The following MT1G variants were observed in gnomAD, a reference collection of about 807,000 sequenced individuals.
MT1G encodes the protein metallothionein 1G.
MT1G carries 8 observed loss-of-function variants against 9.1 expected under a neutral mutation model. That is an observed-to-expected ratio of 0.87 (90% CI 0.51 to 1.58). The LOEUF (loss-of-function observed/expected upper bound fraction) is 1.58. Among genes scored for constraint, MT1G ranks in the 40% most tolerant of loss-of-function variants. The pLI is 0.00. For synonymous variants in MT1G, 31 were observed against 28.4 expected, an observed-to-expected ratio of 1.09 and a Z score of -0.29; for missense variants, 79 against 77.3, an observed-to-expected ratio of 1.02 and a Z score of -0.08.
rs57501740 is a variant in MT1G, at chr16:56,667,439, A to T, written c.29-59T>A. 12,855 of 1,608,044 alleles carry T rather than the reference A, an allele frequency of 8.0e-3. 124 individuals carry two copies. The highest frequency in any genetic ancestry group is 0.034 in the African/African-American group (2,525 of 74,894). On this transcript the variant is annotated intron_variant, in intron 1 of 2. Transcript: ENST00000379811. ...GATGCAGAAGGTACAGCAGTGGGTC[A>T]ATGAGTGTCCACTTCCCCCTTCTCT...
In MT1G at chr16:56,666,999, G is replaced by C. The variant is rs569987419; in HGVS notation, c.98-29C>G. ...GGGAGGAAAGGAGATTGAGAGGTCA[G>C]AGCAGACTCGATCAGAGAACTCCCT... On this transcript the variant is annotated intron_variant, in intron 2 of 2. Transcript: ENST00000379811. 171 of 1,612,572 alleles carry C rather than the reference G, an allele frequency of 1.1e-4. 2 individuals carry two copies. In the South Asian group the frequency reaches 1.8e-3, roughly 17 times the overall value.
Position 56,667,328 on chromosome 16 carries a change from G to T in MT1G, c.81C>A (p.Cys27Ter). Residue 27 changes from cysteine to a stop codon, truncating the protein, a stop_gained, in exon 2 of 3, where the codon TGC becomes TGA. Transcript: ENST00000379811. LOFTEE classifies it high-confidence loss of function. ...ASSCKCKECK[C>*]TSCKKSCCSC... is the part of the protein sequence containing the mutation. ...CGCACTCACTCTTCTTGCAGGAGGT[G>T]CATTTGCACTCTTTGCACTTGCAGG... 1.2e-6 allele frequency: 2 copies of T among 1,614,264 alleles called. No individual in the cohort carries two copies. Among genetic ancestry groups the T allele is most frequent in the South Asian group, 1.1e-5 (1 of 91,086 alleles).
In MT1G at chr16:56,666,838, G is replaced by A. The variant is rs747710513; in HGVS notation, c.*41C>T. 14 of 1,598,634 alleles carry A rather than the reference G, an allele frequency of 8.8e-6. No homozygotes were observed. The highest frequency in any genetic ancestry group is 6.7e-5 in the African/African-American group (5 of 74,138). ...AAAAACAAAAAATCCTGGATTTTAC[G>A]GGTCACTCTATTTGTACTTGGGAGC... On this transcript the variant is annotated 3_prime_UTR_variant, in exon 3 of 3. Transcript: ENST00000379811.
chr16:56,666,971 C>T lies in MT1G; in HGVS notation c.98-1G>A. 6.2e-7 allele frequency: 1 copy of T among 1,613,950 alleles called. No homozygotes were observed. Among genetic ancestry groups the T allele is most frequent in the Non-Finnish European group, 8.5e-7 (1 of 1,179,982 alleles). Reference sequence around the variant, plus strand: ...CCCACAGGGCAGCAGGAGCAGCAGCCTGGGGAGGAAAGGAGATTGAGAGGT... The same window carrying T: ...CCCACAGGGCAGCAGGAGCAGCAGCTTGGGGAGGAAAGGAGATTGAGAGGT... On this transcript the variant is annotated splice_acceptor_variant, in intron 2 of 2. Transcript: ENST00000379811. LOFTEE classifies it high-confidence loss of function.
rs1960795726 is a variant in MT1G, at chr16:56,667,302, C to T, written c.97+10G>A. The T allele has an allele frequency of 1.2e-6, 2 of 1,614,136 alleles. No individual in the cohort carries two copies. Among genetic ancestry groups the T allele is most frequent in the Non-Finnish European group, 1.7e-6 (2 of 1,180,056 alleles). The stretch of plus-strand genomic sequence containing the variant: ...CAGCCCCAGATTCCTGGAGATGGCC[C>T]CGCACTCACTCTTCTTGCAGGAGGT... On this transcript the variant is annotated intron_variant, in intron 2 of 2. Transcript: ENST00000379811.
Position 56,666,857 on chromosome 16 carries a change from T to C in MT1G, c.*22A>G. The C allele has an allele frequency of 6.2e-7, 1 of 1,613,286 alleles. No individual in the cohort carries two copies. The highest frequency in any genetic ancestry group is 1.1e-5 in the South Asian group (1 of 90,952). The stretch of plus-strand genomic sequence containing the variant: ...TTTTACGGGTCACTCTATTTGTACT[T>C]GGGAGCAGGGCTGTCCCGACATCAG... On this transcript the variant is annotated 3_prime_UTR_variant, in exon 3 of 3. Coordinates refer to ENST00000379811, the MANE Select transcript of MT1G (RefSeq NM_001301267.2).
intron 1 of MT1G, among the ~76,000 whole-genome samples, chr16:56,667,749 G>A (rs1472243716): frequency 1.3e-5 from 2 of 152,182 alleles, no homozygotes; most frequent in Admixed American, 6.5e-5. Context: ...GTGACGTGGA[G>A]CAGGACAGCC....
Position 56,667,353 on chromosome 16 carries a change from G to T in MT1G, c.56C>A (p.Ser19Tyr). 1 of 1,614,270 alleles carries T rather than the reference G, an allele frequency of 6.2e-7. No homozygotes were observed. Among genetic ancestry groups the T allele is most frequent in the Non-Finnish European group, 8.5e-7 (1 of 1,180,046 alleles). Residue 19 changes from serine to tyrosine, a missense_variant, in exon 2 of 3, where the codon TCC becomes TAC. Coordinates refer to ENST00000379811, the MANE Select transcript of MT1G (RefSeq NM_001301267.2). ...GCATTTGCACTCTTTGCACTTGCAG[G>T]AGCTGGCGCAGGTGCAGGAGACACC... ...AAGVSCTCAS[S>Y]CKCKECKCTS...
At position 56,668,040 on chromosome 16, in the gene MT1G, C is replaced by T. The variant is rs774720147; in HGVS notation, c.-47G>A. 1.6e-5 allele frequency: 26 copies of T among 1,604,698 alleles called. 1 individual carries two copies. The South Asian group carries it at 2.8e-4, about 17-fold the overall frequency. ...AGTTCCCAAGCGAGAAGGGAAGAGG[C>T]AGTGGGTGCACGTGGAAGGCGGAGT... On this transcript the variant is annotated 5_prime_UTR_variant, in exon 1 of 3. Coordinates refer to ENST00000379811, the MANE Select transcript of MT1G (RefSeq NM_001301267.2).
At chr16:56,667,762 G>A (rs1391285949) in intron 1 of MT1G, among the ~76,000 whole-genome samples, 1 of 152,164 alleles carries the variant, frequency 6.6e-6, no homozygotes, top group Non-Finnish European at 1.5e-5. Flanking sequence ...GGACAGCCTT[G>A]AGCCTCAGGA....
At chr16:56,667,822 G>T (rs943186792) in intron 1 of MT1G, 144 bp downstream of exon 1, 20 of 981,032 alleles carry the variant, frequency 2.0e-5, no homozygotes, top group South Asian at 4.0e-5. Context: ...GCCCTCAGGA[G>T]CTTGGCCAAC....
chr16:56,667,208 C>T, intron 2 of MT1G, 104 bp downstream of exon 2: 1 of 1,603,116 alleles, frequency 6.2e-7, no homozygotes, highest in Non-Finnish European at 8.5e-7. Context: ...CCTACAGGGA[C>T]AAAGGAAGGC....
intron 2 of MT1G, 49 bp downstream of exon 2, chr16:56,667,263 C>G: frequency 6.2e-7 from 1 of 1,614,176 alleles, no homozygotes; most frequent in Non-Finnish European, 8.5e-7. Flanking sequence ...TGGGTTCCCT[C>G]CCAACCTTAG....
At chr16:56,667,935 T>C (rs746748394) in intron 1 of MT1G, 31 bp downstream of exon 1, 2 of 1,613,448 alleles carry the variant, frequency 1.2e-6, no homozygotes, top group South Asian at 1.1e-5. Context: ...GAATTTGGCA[T>C]CCCAAGGCAC....
intron 1 of MT1G, 70 bp from the exon 2 acceptor site, chr16:56,667,450 A>C: frequency 6.2e-7 from 1 of 1,601,136 alleles, no homozygotes; most frequent in Non-Finnish European, 8.5e-7. Flanking sequence ...ATGAGTGTCC[A>C]CTTCCCCCTT....
rs1302007840 is a variant in MT1G, at chr16:56,667,391, A to G, written c.29-11T>C. On this transcript the variant is annotated splice_polypyrimidine_tract_variant and intron_variant, in intron 1 of 2. Transcript: ENST00000379811. The stretch of plus-strand genomic sequence containing the variant: ...TGCAGGAGACACCTGCTAGAAGAGA[A>G]AAAGCCAGTGAACGGTGAGTGAGAT... 1 of 1,614,010 alleles carries G rather than the reference A, an allele frequency of 6.2e-7. No individual in the cohort carries two copies. Among genetic ancestry groups the G allele is most frequent in the African/African-American group, 1.3e-5 (1 of 74,942 alleles).
chr16:56,666,908 C>G lies in MT1G; in HGVS notation c.160G>C (p.Ala54Pro). Residue 54 changes from alanine to proline, a missense_variant, in exon 3 of 3, where the codon GCA becomes CCA. Coordinates refer to ENST00000379811, the MANE Select transcript of MT1G (RefSeq NM_001301267.2). ...KCAQGCICKG[A>P]SEKCSCCA is the part of the protein sequence containing the mutation. ...GCGCAGCAGCTGCACTTCTCCGATG[C>G]CCCTTTGCAGATGCAGCCCTGGGCA... The G allele has an allele frequency of 6.2e-7, 1 of 1,614,112 alleles. No individual in the cohort carries two copies. Among genetic ancestry groups the G allele is most frequent in the Non-Finnish European group, 8.5e-7 (1 of 1,180,030 alleles).
intron 2 of MT1G, 55 bp from the exon 3 acceptor site, chr16:56,667,025 G>A: frequency 3.1e-6 from 5 of 1,608,868 alleles, no homozygotes; most frequent in Non-Finnish European, 4.2e-6. Flanking sequence ...AGAACTCCCT[G>A]CCCCAACAGA....
At chr16:56,667,060 C>T in intron 2 of MT1G, 90 bp from the exon 3 acceptor site, 2 of 1,596,314 alleles carry the variant, frequency 1.3e-6, no homozygotes, top group African/African-American at 1.3e-5. Flanking sequence ...CCTCCAGCCC[C>T]AGAGGACCCT....
Sources: allele counts gnomAD v4.1 joint callset (sites outside exome capture counted in the v4.1 genomes callset), GRCh38; gene constraint gnomAD v4.1.1; transcripts MANE v1.5; gene names NCBI Gene and HGNC (gene_info 2026-07-23, HGNC 2026-07-21).